The following UPRT variants were observed in gnomAD, a reference collection of about 807,000 sequenced individuals.
The protein encoded by UPRT is RP11-311P8.3.
In UPRT, 5 loss-of-function variants were observed where a neutral mutation model predicts 22.6. The ratio of observed to expected loss-of-function variants is 0.22; its 90% CI spans 0.12 to 0.47. The LOEUF is 0.47. Ranked by LOEUF, UPRT falls within the 20% of genes least tolerant of loss-of-function variation. The pLI is 0.99. For synonymous variants in UPRT, 77 were observed against 87.7 expected (o/e 0.88, Z 0.68); for missense variants, 181 against 239.9 (o/e 0.75, Z 1.62).
chrX:75,263,774 T>C (rs2082577094), intron 4 of UPRT, among the ~76,000 whole-genome samples: 1 of 110,830 alleles, frequency 9.0e-6, no homozygotes, highest in Non-Finnish European at 1.9e-5. Context: ...TGAATGTGTT[T>C]GCTCTTGCTT....
chrX:75,280,457 A>G (rs980066491), intron 1 of UPRT, among the ~76,000 whole-genome samples: 2 of 112,126 alleles, frequency 1.8e-5, no homozygotes, highest in Non-Finnish European at 3.8e-5. Flanking sequence ...ATAAGGTGAG[A>G]GATGAGGATC....
intron 1 of UPRT, among the ~76,000 whole-genome samples, chrX:75,156,926 C>CACACACACACACAG (rs748263766): frequency 2.0e-3 from 214 of 108,974 alleles, no homozygotes; most frequent in African/African-American, 6.9e-3. Flanking sequence ...CACACACACA[C>CACACACACACACAG]AGAGAGACTA....
At chrX:75,208,084 A>G (rs987078029) in intron 4 of UPRT, among the ~76,000 whole-genome samples, 10 of 111,592 alleles carry the variant, frequency 9.0e-5, no homozygotes, top group African/African-American at 3.3e-4. Flanking sequence ...AGGCCCAAGA[A>G]GGAGAGGAGG....
rs769495210 is a variant in UPRT, at chrX:75,303,853, C to A, written c.*342C>A. The A allele has an allele frequency of 6.5e-6, 1 of 152,753 alleles. No homozygotes were observed. The highest frequency in any genetic ancestry group is 3.2e-5 in the African/African-American group (1 of 31,437). The allele number at this position is 152,753 out of a possible 1,213,427, so 12.6% of individuals were successfully genotyped here. ...AATAAAACTCAAATGAGAGTCAGTT[C>A]TTTGTCCCACTGTAGTTTGCATTTT... On this transcript the variant is annotated 3_prime_UTR_variant, in exon 7 of 7. Coordinates refer to ENST00000373383, the MANE Select transcript of UPRT (RefSeq NM_145052.4).
chrX:75,193,294 A>G (rs2082322018), intron 4 of UPRT, among the ~76,000 whole-genome samples: 1 of 112,194 alleles, frequency 8.9e-6, no homozygotes, highest in Non-Finnish European at 1.9e-5. Context: ...ATAGACCACC[A>G]ATCTCTTCTG....
intron 1 of UPRT, among the ~76,000 whole-genome samples, chrX:75,157,654 C>T (rs980155325): frequency 8.9e-6 from 1 of 111,746 alleles, no homozygotes; most frequent in Non-Finnish European, 1.9e-5. Flanking sequence ...TTAAGCTACT[C>T]TGGCTTAAGT....
intron 4 of UPRT, among the ~76,000 whole-genome samples, chrX:75,234,826 A>G (rs1434583941): frequency 1.8e-5 from 2 of 111,529 alleles, no homozygotes; most frequent in African/African-American, 6.5e-5. Flanking sequence ...TGCCCACAAG[A>G]GAAAGCAGGA....
At chrX:75,187,766 ATTCAT>A (rs1199406812) in intron 4 of UPRT, among the ~76,000 whole-genome samples, 1 of 110,593 alleles carries the variant, frequency 9.0e-6, no homozygotes, top group Admixed American at 9.6e-5. Context: ...GCTTCATTTC[ATTCAT>A]TTCATCTTCC....
At chrX:75,164,920 T>C (rs1041740608) in intron 3 of UPRT, among the ~76,000 whole-genome samples, 16 of 111,738 alleles carry the variant, frequency 1.4e-4, no homozygotes, top group Non-Finnish European at 2.1e-4. Flanking sequence ...CTTCACGAGG[T>C]TGCTGTGAGG....
intron 4 of UPRT, among the ~76,000 whole-genome samples, chrX:75,189,469 G>T (rs1244367458): frequency 8.9e-6 from 1 of 112,075 alleles, no homozygotes; most frequent in Non-Finnish European, 1.9e-5. Context: ...TTGATTTGGG[G>T]TGGAGAGTTC....
intron 4 of UPRT, among the ~76,000 whole-genome samples, chrX:75,219,842 G>A (rs1465791854): frequency 1.8e-5 from 2 of 111,658 alleles, no homozygotes; most frequent in Non-Finnish European, 3.8e-5. Context: ...AAAAACACCA[G>A]ACTTAATCTG....
At chrX:75,303,113 T>C (rs2082750033) in intron 6 of UPRT, among the ~76,000 whole-genome samples, 1 of 111,515 alleles carries the variant, frequency 9.0e-6, no homozygotes, top group Non-Finnish European at 1.9e-5. Context: ...AAATAAAAAA[T>C]ACTCTTTAGG....
At chrX:75,294,077 A>G (rs771939358) in intron 2 of UPRT, among the ~76,000 whole-genome samples, 2 of 110,011 alleles carry the variant, frequency 1.8e-5, no homozygotes, top group South Asian at 3.9e-4. Context: ...TCTCAGTCCA[A>G]ATTGGTTTGT....
intron 4 of UPRT, among the ~76,000 whole-genome samples, chrX:75,183,027 T>C (rs1032896778): frequency 9.0e-6 from 1 of 110,780 alleles, no homozygotes; most frequent in Non-Finnish European, 1.9e-5. Flanking sequence ...ATTTTATTTT[T>C]TTATTATTAT....
intron 4 of UPRT, among the ~76,000 whole-genome samples, chrX:75,266,139 C>G (rs1273805573): frequency 9.0e-6 from 1 of 111,243 alleles, no homozygotes; most frequent in Non-Finnish European, 1.9e-5. Flanking sequence ...CAAGTCAATC[C>G]TAATCCAAAA....
rs754250333 is a variant in UPRT, at chrX:75,296,143, T to C, written c.430-199T>C. ...GGTGACAATCATGGCCTATCTGAGG[T>C]TGGATACCTAGCAGCAAGTAGTATG... On this transcript the variant is annotated intron_variant, in intron 2 of 6. Coordinates refer to ENST00000373383, the MANE Select transcript of UPRT (RefSeq NM_145052.4). Among the ~76,000 whole-genome samples the C allele has an allele frequency of 8.1e-5, 9 of 111,276 alleles. No individual in the cohort carries two copies. In the East Asian group the frequency reaches 2.6e-3, roughly 32 times the overall value.
upstream of UPRT, chrX:75,274,084 C>G (rs927653208): frequency 2.7e-5 from 19 of 710,094 alleles, no homozygotes; most frequent in Non-Finnish European, 3.6e-5. Context: ...GGGAGTGAGC[C>G]AAAGTGTGCT....
chrX:75,231,003 G>A (rs1411849744), intron 4 of UPRT, among the ~76,000 whole-genome samples: 1 of 106,764 alleles, frequency 9.4e-6, no homozygotes, highest in Non-Finnish European at 1.9e-5. Flanking sequence ...CAAATAAGAA[G>A]AAACCAGACA....
At chrX:75,254,844 C>T (rs2082544082) in intron 4 of UPRT, among the ~76,000 whole-genome samples, 1 of 102,798 alleles carries the variant, frequency 9.7e-6, no homozygotes, top group South Asian at 4.6e-4. Flanking sequence ...GGCGCAATCT[C>T]GGCACACTGC....
Sources: allele counts gnomAD v4.1 joint callset (sites outside exome capture counted in the v4.1 genomes callset), GRCh38; gene constraint gnomAD v4.1.1; transcripts MANE v1.5; gene names NCBI Gene and HGNC (gene_info 2026-07-23, HGNC 2026-07-21).